Variants in HIGD1C observed in about 807,000 individuals in gnomAD.
HIGD1C encodes the protein HIG1 domain family member 1C.
HIGD1C carries 11 observed loss-of-function variants against 13.1 expected under a neutral mutation model. The ratio of observed to expected loss-of-function variants is 0.84; its 90% CI spans 0.53 to 1.39. The LOEUF (loss-of-function observed/expected upper bound fraction) is 1.39. HIGD1C is among the 40% of genes most tolerant of loss of function. HIGD1C has a pLI of 0.00. For synonymous variants in HIGD1C, 36 were observed against 37.7 expected (o/e 0.95, Z 0.17); for missense variants, 110 against 112.0 (o/e 0.98, Z 0.08).
downstream of HIGD1C, chr12:50,970,617 C>T (rs1007594156): frequency 1.5e-6 from 1 of 664,090 alleles, no homozygotes; most frequent in South Asian, 1.8e-5. Context: ...ACAGAATGCT[C>T]ATAGCCTTTG....
rs553444287 is a variant in HIGD1C, at chr12:50,968,020, G to A, written c.230-2422G>A. On this transcript the variant is annotated intron_variant, in intron 2 of 2. Coordinates refer to ENST00000398455, the Ensembl canonical transcript of HIGD1C. ...GAGGATGGCTTGAGCCCAGGAGGTCGAGGCTGCATGAGCCTTGCTCACGCC... is the reference window on the plus strand; with the variant it reads ...GAGGATGGCTTGAGCCCAGGAGGTCAAGGCTGCATGAGCCTTGCTCACGCC... Among the ~76,000 whole-genome samples, 15 of 152,240 alleles carry A rather than the reference G, an allele frequency of 9.9e-5. No individual in the cohort carries two copies. The East Asian group carries it at 2.3e-3, about 24-fold the overall frequency.
At chr12:50,955,156 T>G (rs1939046174) in intron 1 of HIGD1C, among the ~76,000 whole-genome samples, 3 of 152,056 alleles carry the variant, frequency 2.0e-5, no homozygotes, top group Admixed American at 2.0e-4. Flanking sequence ...GGCTGGGCAT[T>G]GTGGCACACA....
chr12:50,934,669 G>A, the HIGD1C span, among the ~76,000 whole-genome samples: 2 of 152,184 alleles, frequency 1.3e-5, no homozygotes, highest in African/African-American at 4.8e-5. Context: ...AGTAACATCT[G>A]AGCTGAATTC....
chr12:50,944,756 G>A, the HIGD1C span, among the ~76,000 whole-genome samples: 11 of 152,152 alleles, frequency 7.2e-5, no homozygotes, highest in East Asian at 3.9e-4. Flanking sequence ...GCATGGTGGC[G>A]CACACCTGCA....
intron 2 of HIGD1C, among the ~76,000 whole-genome samples, chr12:50,963,160 A>T (rs1209561796): frequency 6.6e-6 from 1 of 151,992 alleles, no homozygotes; most frequent in Non-Finnish European, 1.5e-5. Context: ...ACTTGAGGTC[A>T]GGAGTTTGAG....
At chr12:50,967,257 C>A (rs1056950680) in intron 2 of HIGD1C, among the ~76,000 whole-genome samples, 13 of 152,122 alleles carry the variant, frequency 8.5e-5, no homozygotes, top group Non-Finnish European at 8.8e-5. Flanking sequence ...GATCCTCCTG[C>A]CTGCCTCATT....
At chr12:50,971,404 T>C (rs1939757346), downstream of HIGD1C, among the ~76,000 whole-genome samples, 1 of 152,226 alleles carries the variant, frequency 6.6e-6, no homozygotes, top group Non-Finnish European at 1.5e-5. Context: ...AACATTTAAT[T>C]ATTTGTTTAT....
intron 1 of HIGD1C, among the ~76,000 whole-genome samples, chr12:50,958,489 G>T (rs1555211663): frequency 6.6e-6 from 1 of 150,682 alleles, no homozygotes; most frequent in Non-Finnish European, 1.5e-5. Flanking sequence ...CTCTGTGTTA[G>T]CCAGGATGGT....
chr12:50,936,159 C>CA, the HIGD1C span, among the ~76,000 whole-genome samples: 26,982 of 129,138 alleles, frequency 0.21, 2,951 homozygotes, highest in East Asian at 0.48. Flanking sequence ...AACACCGTCT[C>CA]AAAAAAAAAA....
the HIGD1C span, among the ~76,000 whole-genome samples, chr12:50,942,580 A>G: frequency 0.55 from 83,740 of 152,084 alleles, 24,393 homozygotes; most frequent in East Asian, 0.91. Flanking sequence ...TAAAATGCAA[A>G]GCTTGGCTGG....
intron 1 of HIGD1C, among the ~76,000 whole-genome samples, chr12:50,955,975 T>C (rs1460320667): frequency 6.6e-6 from 1 of 152,220 alleles, no homozygotes; most frequent in Non-Finnish European, 1.5e-5. Flanking sequence ...AGAGACACTA[T>C]ATGGAAAACA....
intron 2 of HIGD1C, among the ~76,000 whole-genome samples, chr12:50,962,558 G>C (rs113556802): frequency 0.016 from 2,361 of 152,078 alleles, 68 homozygotes; most frequent in African/African-American, 0.053. Flanking sequence ...AAATTAGCCA[G>C]GTGTGGCATG....
intron 2 of HIGD1C, among the ~76,000 whole-genome samples, chr12:50,964,555 G>A (rs991459318): frequency 1.3e-5 from 2 of 152,208 alleles, no homozygotes; most frequent in African/African-American, 4.8e-5. Flanking sequence ...AGATGATCAA[G>A]GTCCCTGCAG....
At chr12:50,938,566 G>A in the HIGD1C span, among the ~76,000 whole-genome samples, 1 of 152,152 alleles carries the variant, frequency 6.6e-6, no homozygotes. Flanking sequence ...CAGCCCCTGT[G>A]GACTCTACAG....
At chr12:50,961,989 T>A (rs980085758) in intron 2 of HIGD1C, among the ~76,000 whole-genome samples, 4 of 152,182 alleles carry the variant, frequency 2.6e-5, no homozygotes, top group African/African-American at 9.7e-5. Context: ...AGACACTGTT[T>A]AGAAATATGA....
chr12:50,943,631 A>ACCC, the HIGD1C span, among the ~76,000 whole-genome samples: 2,789 of 151,236 alleles, frequency 0.018, 79 homozygotes, highest in African/African-American at 0.064. Context: ...AATGGTGTGA[A>ACCC]CCCTGGGGGC....
At chr12:50,960,862 TAGAGATGG>T in intron 1 of HIGD1C, 98 bp from the exon 4 acceptor site, 1 of 954,710 alleles carries the variant, frequency 1.0e-6, no homozygotes, top group Non-Finnish European at 1.5e-6. Context: ...TTTTTTTTTT[TAGAGATGG>T]GGTCTTGCTA....
At chr12:50,957,982 G>GTGTGTA (rs953708835) in intron 1 of HIGD1C, among the ~76,000 whole-genome samples, 5 of 142,678 alleles carry the variant, frequency 3.5e-5, no homozygotes, top group Non-Finnish European at 6.1e-5. Flanking sequence ...GTGTGTGTGT[G>GTGTGTA]TGTAGTAGAG....
At chr12:50,945,685 C>G in the HIGD1C span, among the ~76,000 whole-genome samples, 1 of 152,152 alleles carries the variant, frequency 6.6e-6, no homozygotes, top group African/African-American at 2.4e-5. Context: ...AATGCCATCC[C>G]CATCAAGCTA....
Sources: allele counts gnomAD v4.1 joint callset (sites outside exome capture counted in the v4.1 genomes callset), GRCh38; gene constraint gnomAD v4.1.1; transcripts MANE v1.5; gene names NCBI Gene and HGNC (gene_info 2026-07-23, HGNC 2026-07-21).